The following CEP112 variants were observed in gnomAD, a reference collection of about 807,000 sequenced individuals.
CEP112 encodes centrosomal protein of 112 kDa.
Under a neutral mutation model 153.0 loss-of-function variants are expected in CEP112, and 127 were observed. The ratio of observed to expected loss-of-function variants is 0.83; its 90% confidence interval spans 0.72 to 0.96. The LOEUF (loss-of-function observed/expected upper bound fraction) is 0.96. CEP112 is among the 40% of genes least tolerant of loss of function. The pLI is 0.00. For missense variants in CEP112, 1,089 were observed against 1,101.2 expected (o/e 0.99, Z 0.16); for synonymous variants, 358 against 374.4 (o/e 0.96, Z 0.51).
chr17:65,889,422 A>C (rs759212328), intron 20 of CEP112, among the ~76,000 whole-genome samples: 3 of 152,140 alleles, frequency 2.0e-5, no homozygotes, highest in African/African-American at 4.8e-5. Flanking sequence ...CCCATTCCAA[A>C]TTCTCACAAT....
intron 23 of CEP112, among the ~76,000 whole-genome samples, chr17:65,738,982 C>T (rs567152730): frequency 3.2e-4 from 49 of 152,312 alleles, no homozygotes; most frequent in African/African-American, 1.1e-3. Context: ...CTTGATCAAT[C>T]GAATGTGGTG....
At chr17:65,675,262 A>G (rs1163787715) in intron 24 of CEP112, among the ~76,000 whole-genome samples, 1 of 152,224 alleles carries the variant, frequency 6.6e-6, no homozygotes, top group South Asian at 2.1e-4. Flanking sequence ...TAAAAAAAGT[A>G]TATCTATAAT....
intron 24 of CEP112, among the ~76,000 whole-genome samples, chr17:65,649,556 A>C (rs1308048363): frequency 6.6e-6 from 1 of 150,558 alleles, no homozygotes; most frequent in Non-Finnish European, 1.5e-5. Context: ...ATTTCTACTA[A>C]AAATAAAAAA....
At chr17:66,076,752 C>G (rs1194772271) in intron 8 of CEP112, among the ~76,000 whole-genome samples, 4 of 152,192 alleles carry the variant, frequency 2.6e-5, no homozygotes, top group Admixed American at 2.6e-4. Flanking sequence ...GGCCAACCAG[C>G]ACAAAAATAG....
chr17:66,081,627 A>T (rs1439190110), intron 8 of CEP112, among the ~76,000 whole-genome samples: 1 of 151,418 alleles, frequency 6.6e-6, no homozygotes, highest in Non-Finnish European at 1.5e-5. Flanking sequence ...AAAAAAAAAA[A>T]GGCCTAATTC....
chr17:65,911,616 C>A (rs1019721120), intron 19 of CEP112, among the ~76,000 whole-genome samples: 1 of 151,948 alleles, frequency 6.6e-6, no homozygotes, highest in Non-Finnish European at 1.5e-5. Flanking sequence ...ATCACTTGAG[C>A]CCAGGAGTTC....
intron 5 of CEP112, among the ~76,000 whole-genome samples, chr17:66,131,906 T>G (rs1043251802): frequency 4.0e-5 from 6 of 151,278 alleles, no homozygotes; most frequent in Non-Finnish European, 7.4e-5. Flanking sequence ...CAGTGGCTCA[T>G]GCCTGTAATC....
At chr17:65,838,689 A>T (rs1172866428) in intron 21 of CEP112, among the ~76,000 whole-genome samples, 1 of 152,104 alleles carries the variant, frequency 6.6e-6, no homozygotes, top group Non-Finnish European at 1.5e-5. Flanking sequence ...CCAAAAAAAG[A>T]AAAATCAGCA....
chr17:65,784,520 G>A (rs944602774), intron 21 of CEP112, among the ~76,000 whole-genome samples: 2 of 152,074 alleles, frequency 1.3e-5, no homozygotes, highest in African/African-American at 2.4e-5. Flanking sequence ...TCACTCTGTC[G>A]CCCAGGCTGG....
intron 18 of CEP112, among the ~76,000 whole-genome samples, chr17:65,934,038 AGT>A (rs2061219803): frequency 6.6e-6 from 1 of 152,122 alleles, no homozygotes. Flanking sequence ...AAAATACAAA[AGT>A]TACATGGGCA....
intron 12 of CEP112, among the ~76,000 whole-genome samples, chr17:66,033,906 A>G (rs1004708247): frequency 6.6e-6 from 1 of 152,194 alleles, no homozygotes; most frequent in South Asian, 2.1e-4. Flanking sequence ...CTTGAATGAT[A>G]TGGGTTTGAA....
intron 17 of CEP112, among the ~76,000 whole-genome samples, chr17:65,989,784 C>G (rs1042410843): frequency 6.6e-6 from 1 of 152,132 alleles, no homozygotes; most frequent in Non-Finnish European, 1.5e-5. Context: ...GCCAAAAAGA[C>G]AAACCTATAA....
chr17:65,753,664 AT>A (rs922139070), intron 21 of CEP112, among the ~76,000 whole-genome samples: 39 of 150,982 alleles, frequency 2.6e-4, no homozygotes, highest in East Asian at 5.8e-4. Flanking sequence ...TTCTGTCACT[AT>A]TTTTTTTTGT....
At chr17:65,741,271 A>G (rs1483018344) in intron 23 of CEP112, among the ~76,000 whole-genome samples, 1 of 152,130 alleles carries the variant, frequency 6.6e-6, no homozygotes, top group Non-Finnish European at 1.5e-5. Context: ...ATTTTTTGTG[A>G]TACAGCCTTA....
intron 22 of CEP112, among the ~76,000 whole-genome samples, chr17:65,746,376 GAT>G (rs1238149755): frequency 6.6e-6 from 1 of 151,968 alleles, no homozygotes; most frequent in Non-Finnish European, 1.5e-5. Flanking sequence ...TTAGGAAGGC[GAT>G]ATAAGGGGCA....
chr17:66,062,652 C>T (rs2066969050), intron 11 of CEP112, among the ~76,000 whole-genome samples: 1 of 151,964 alleles, frequency 6.6e-6, no homozygotes. Flanking sequence ...GGCTTAATTT[C>T]CAAAAACTGT....
chr17:66,075,934 C>A (rs1027692877), intron 8 of CEP112, among the ~76,000 whole-genome samples: 10 of 152,158 alleles, frequency 6.6e-5, no homozygotes, highest in Admixed American at 5.2e-4. Flanking sequence ...AACACACACC[C>A]CCACTGGGAA....
chr17:66,131,877 A>G (rs979315550), intron 5 of CEP112, among the ~76,000 whole-genome samples: 7 of 151,466 alleles, frequency 4.6e-5, no homozygotes, highest in Non-Finnish European at 1.0e-4. Flanking sequence ...CTCTTTTCCA[A>G]GCTAACTGGG....
intron 12 of CEP112, among the ~76,000 whole-genome samples, chr17:66,052,253 T>C (rs1004645719): frequency 5.3e-5 from 8 of 152,194 alleles, no homozygotes; most frequent in Non-Finnish European, 1.0e-4. Flanking sequence ...TCTGGTATTC[T>C]ACTGAATGCA....
Sources: gnomAD v4.1 joint callset for allele counts (sites outside exome capture counted in the v4.1 genomes callset) on GRCh38, gnomAD v4.1.1 for gene constraint, MANE v1.5 for transcripts, NCBI Gene and HGNC (gene_info 2026-07-23, HGNC 2026-07-21) for gene names.